The following USF1 variants were observed in gnomAD, a reference collection of about 807,000 sequenced individuals.
The protein encoded by USF1 is upstream stimulatory factor 1.
USF1 carries 22 observed loss-of-function variants against 46.3 expected under a neutral mutation model. The observed-to-expected ratio is 0.47, with a 90% confidence interval of 0.34 to 0.68. The LOEUF is 0.68. Among genes scored for constraint, USF1 ranks in the 30% least tolerant of loss-of-function variants. USF1 has a pLI of 0.01. For missense variants in USF1, 287 were observed against 399.3 expected (o/e 0.72, Z 2.40); for synonymous variants, 150 against 147.0 (o/e 1.02, Z -0.15).
At position 161,040,216 on chromosome 1, in the gene USF1, C is replaced by T. The variant is rs765483297; in HGVS notation, c.829G>A (p.Val277Met). The T allele has an allele frequency of 6.8e-6, 11 of 1,614,102 alleles. No homozygotes were observed. Among genetic ancestry groups the T allele is most frequent in the South Asian group, 2.2e-5 (2 of 91,076 alleles). The change falls in exon 10 of 11, where the codon GTG (valine) becomes ATG (methionine). Residue 277 changes from valine (V) to methionine (M), a missense_variant. Transcript: ENST00000368021. The surrounding 1 kb of genome is among the most constrained non-coding windows in gnomAD (Gnocchi z 4.0). ...GLDQLQLDND[V>M]LRQQVEDLKN... ...AGGAGTCTGACCTGTTGTCGAAGCA[C>T]GTCATTGTCCAGCTGCAGTTGGTCA...
chr1:161,040,746 T>C lies in USF1; in HGVS notation c.619+68A>G. The C allele has an allele frequency of 1.2e-6, 2 of 1,613,102 alleles. No individual in the cohort carries two copies. Among genetic ancestry groups the C allele is most frequent in the East Asian group, 2.2e-5 (1 of 44,860 alleles). On this transcript the variant is annotated intron_variant, in intron 8 of 10. Coordinates refer to ENST00000368021, the MANE Select transcript of USF1 (RefSeq NM_007122.5). The surrounding 1 kb of genome is among the most constrained non-coding windows in gnomAD (Gnocchi z 4.0). ...TCCCAGGGTAAAATTACCTAATCCC[T>C]CCTCCCCTCAGACATCACTGCTGAG...
chr1:161,043,945 T>TTC (rs1418759668), intron 1 of USF1, among the ~76,000 whole-genome samples: 14 of 139,854 alleles, frequency 1.0e-4, no homozygotes, highest in Non-Finnish European at 1.9e-4. Flanking sequence ...ATTTCTTTCT[T>TTC]TTTTTTTTTT....
intron 2 of USF1, among the ~76,000 whole-genome samples, 173 bp downstream of exon 2, chr1:161,043,095 G>A (rs1327113174): frequency 2.6e-5 from 4 of 152,124 alleles, no homozygotes; most frequent in Non-Finnish European, 5.9e-5. Context: ...ACAGCACCAC[G>A]AGATAGATAG....
intron 5 of USF1, 123 bp from the exon 6 acceptor site, chr1:161,041,969 G>GAA (rs1287644579): frequency 3.9e-6 from 5 of 1,267,090 alleles, no homozygotes; most frequent in Non-Finnish European, 5.5e-6. Context: ...GAGAGAGAGA[G>GAA]AAACATCCAG....
At chr1:161,043,199 C>T in intron 2 of USF1, 69 bp downstream of exon 2, 2 of 1,613,468 alleles carry the variant, frequency 1.2e-6, no homozygotes, top group Non-Finnish European at 1.7e-6. Context: ...AGAGGCAGTG[C>T]TCTTGGTCAT....
Position 161,041,859 on chromosome 1 carries a change from G to A in USF1, c.277-13C>T. 6.2e-7 allele frequency: 1 copy of A among 1,604,464 alleles called. No homozygotes were observed. The highest frequency in any genetic ancestry group is 2.2e-5 in the East Asian group (1 of 44,604). ...CCTGGATCACCGCCTGGGAAGGGGA[G>A]CAAGAAAACTGATTCTGGTAACAGT... On this transcript the variant is annotated splice_polypyrimidine_tract_variant and intron_variant, in intron 5 of 10. Coordinates refer to ENST00000368021, the MANE Select transcript of USF1 (RefSeq NM_007122.5).
In USF1 at chr1:161,040,266, C is replaced by T; in HGVS notation, c.779G>A (p.Arg260His). 1 of 1,614,108 alleles carries T rather than the reference C, an allele frequency of 6.2e-7. No individual in the cohort carries two copies. The highest frequency in any genetic ancestry group is 8.5e-7 in the Non-Finnish European group (1 of 1,180,012). The change falls in exon 10 of 11, where the codon CGC becomes CAC. Residue 260 changes from arginine to histidine, a missense_variant. Arg to His is a conservative substitution (Grantham distance 29). Transcript: ENST00000368021. The surrounding 1 kb of genome is among the most constrained non-coding windows in gnomAD (Gnocchi z 4.0). ...YIQELRQSNH[R>H]LSEELQGLDQ... ...AAGTCCCTGCAGTTCTTCAGACAAG[C>T]GGTGGTTACTCTGCCGAAGCTCCTG... is the stretch of plus-strand genomic sequence containing the variant.
chr1:161,044,688 TA>T (rs34352397), intron 1 of USF1, among the ~76,000 whole-genome samples: 70,713 of 141,892 alleles, frequency 0.5, 18,418 homozygotes, highest in Non-Finnish European at 0.62. Flanking sequence ...CAAGAAGGGG[TA>T]AAAAAAAAAA....
rs561932421 is a variant in USF1, at chr1:161,043,290, G to C, written c.-15C>G. 6.2e-7 allele frequency: 1 copy of C among 1,614,164 alleles called. No homozygotes were observed. On this transcript the variant is annotated 5_prime_UTR_variant, in exon 2 of 11. Coordinates refer to ENST00000368021, the MANE Select transcript of USF1 (RefSeq NM_007122.5). ...CACCCCTTCATCTCTCTGTGAGGGG[G>C]CACATCCGAGGAACTGGTCCTTTTT...
At chr1:161,041,901 C>T in intron 5 of USF1, 55 bp from the exon 6 acceptor site, 1 of 1,542,866 alleles carries the variant, frequency 6.5e-7, no homozygotes, top group Admixed American at 1.7e-5. Flanking sequence ...CTTCTTCCCA[C>T]TACACCACTC....
rs1650656203 is a variant in USF1, at chr1:161,043,409, T to C, written c.-85-49A>G. The C allele has an allele frequency of 7.8e-6, 11 of 1,417,616 alleles. No homozygotes were observed. The South Asian group carries it at 1.4e-4, about 18-fold the overall frequency. 87.8% of individuals were successfully genotyped at this position (1,417,616 alleles called of 1,614,324 possible). A position where few individuals can be genotyped will look rare whatever the true frequency, so the allele number is the denominator to read the frequency against. On this transcript the variant is annotated intron_variant, in intron 1 of 10. Coordinates refer to ENST00000368021, the MANE Select transcript of USF1 (RefSeq NM_007122.5). ...AATGAGTTTAGGAAACAGAACAGTA[T>C]CTCTGGTTCTAGAACTTAGGTTCCA...
Position 161,042,121 on chromosome 1 carries a change from T to A in USF1, c.271A>T (p.Thr91Ser), listed in dbSNP as rs986106208. The A allele has an allele frequency of 6.2e-7, 1 of 1,613,304 alleles. No homozygotes were observed. The highest frequency in any genetic ancestry group is 1.1e-5 in the South Asian group (1 of 90,980). ...CCCCAGCCCATACCCTGTACCTGGG[T>A]CATGGATTGAGTGGCAGGGTAGCCA... ...ISGYPATQSM[T>S]QAVIQGAFTS... Residue 91 changes from threonine (T) to serine (S), a missense_variant, in exon 5 of 11, where the codon ACC becomes TCC. Thr to Ser is a moderately conservative substitution (Grantham distance 58, BLOSUM62 1). Transcript: ENST00000368021.
At chr1:161,045,445 C>T (rs1187111416) in intron 1 of USF1, among the ~76,000 whole-genome samples, 1 of 152,208 alleles carries the variant, frequency 6.6e-6, no homozygotes, top group Non-Finnish European at 1.5e-5. Flanking sequence ...GAGGCGTCTC[C>T]CTGCAGGCTC....
intron 1 of USF1, among the ~76,000 whole-genome samples, chr1:161,044,314 A>C (rs1650708106): frequency 6.6e-6 from 1 of 152,232 alleles, no homozygotes; most frequent in African/African-American, 2.4e-5. Context: ...GGGAATCAGG[A>C]AGGGCCATGT....
chr1:161,040,972 C>A lies in USF1; in HGVS notation c.561-100G>T. 1 of 1,469,282 alleles carries A rather than the reference C, an allele frequency of 6.8e-7. No homozygotes were observed. Among genetic ancestry groups the A allele is most frequent in the Non-Finnish European group, 9.3e-7 (1 of 1,073,128 alleles). 91.0% of individuals were successfully genotyped at this position (1,469,282 alleles called of 1,614,324 possible). ...CAAGATTTAGCAGGTATTAGGACCA[C>A]TTATGGTAGCTAGGTGTGGTGTCTC... On this transcript the variant is annotated intron_variant, in intron 7 of 10. Transcript: ENST00000368021. This position sits in a 1 kb window ranked among gnomAD's most constrained non-coding sequence, Gnocchi z 4.0.
chr1:161,045,636 C>T (rs1650779304), intron 1 of USF1, among the ~76,000 whole-genome samples: 1 of 152,208 alleles, frequency 6.6e-6, no homozygotes, highest in South Asian at 2.1e-4. Flanking sequence ...CGGCGCGCAG[C>T]TGGACAGCGC....
Position 161,040,978 on chromosome 1 carries a change from G to A in USF1, c.561-106C>T. 4.2e-6 allele frequency: 6 copies of A among 1,420,056 alleles called. No individual in the cohort carries two copies. Among genetic ancestry groups the A allele is most frequent in the Non-Finnish European group, 5.8e-6 (6 of 1,035,070 alleles). The allele number at this position is 1,420,056 out of a possible 1,614,324, so 88.0% of individuals were successfully genotyped here. A position where few individuals can be genotyped will look rare whatever the true frequency, so the allele number is the denominator to read the frequency against. ...TTAGCAGGTATTAGGACCACTTATG[G>A]TAGCTAGGTGTGGTGTCTCACACCT... is the stretch of plus-strand genomic sequence containing the variant. On this transcript the variant is annotated intron_variant, in intron 7 of 10. Coordinates refer to ENST00000368021, the MANE Select transcript of USF1 (RefSeq NM_007122.5). The surrounding 1 kb of genome is among the most constrained non-coding windows in gnomAD (Gnocchi z 4.0).
chr1:161,041,036 C>CGGAT (rs992257928), intron 7 of USF1, among the ~76,000 whole-genome samples, 164 bp from the exon 8 acceptor site: 34 of 152,004 alleles, frequency 2.2e-4, no homozygotes, highest in Admixed American at 2.1e-3. Flanking sequence ...CCGAGGCAGG[C>CGGAT]GGATCACTTG....
At position 161,042,673 on chromosome 1, in the gene USF1, G is replaced by A. The variant is rs767284073; in HGVS notation, c.59-3C>T. On this transcript the variant is annotated splice_polypyrimidine_tract_variant and splice_region_variant and intron_variant, in intron 3 of 10. Transcript: ENST00000368021. ...GTCTTCCCCAGTAGCCACTGCACCT[G>A]AATTAAAAGAACAAAGGAAAAGTCT... The A allele has an allele frequency of 1.9e-6, 3 of 1,614,106 alleles. No homozygotes were observed. The highest frequency in any genetic ancestry group is 3.3e-5 in the Admixed American group (2 of 60,018).
Sources: allele counts gnomAD v4.1 joint callset (sites outside exome capture counted in the v4.1 genomes callset), GRCh38; gene constraint gnomAD v4.1.1; non-coding constraint Gnocchi (gnomAD v3.1); transcripts MANE v1.5; gene names NCBI Gene and HGNC (gene_info 2026-07-23, HGNC 2026-07-21).